The following OXR1 variants were observed in gnomAD, a reference collection of about 807,000 sequenced individuals.
The protein encoded by OXR1 is oxidation resistance 1.
OXR1 carries 41 observed loss-of-function variants against 104.6 expected under a neutral mutation model. The observed-to-expected ratio is 0.39, with a 90% CI of 0.31 to 0.51. The LOEUF (loss-of-function observed/expected upper bound fraction) is 0.51. OXR1 is among the 20% of genes least tolerant of loss of function. The probability of loss-of-function intolerance (pLI) is 0.77; values close to 1 mark genes in which losing one functional copy is unlikely to be tolerated. For synonymous variants in OXR1, 348 were observed against 348.4 expected, an observed-to-expected ratio of 1.00 and a Z score of 0.01; for missense variants, 955 against 1,031.9, an observed-to-expected ratio of 0.93 and a Z score of 1.02.
chr8:106,346,495 G>A (rs1400769624), intron 1 of OXR1, among the ~76,000 whole-genome samples: 1 of 152,108 alleles, frequency 6.6e-6, no homozygotes, highest in Non-Finnish European at 1.5e-5. Context: ...AAAGAATTGT[G>A]GCTGAGGTTT....
chr8:106,625,922 AT>A lies in OXR1; in HGVS notation c.221-53281del, dbSNP rs757199891. Among the ~76,000 whole-genome samples, 553 of 151,810 alleles carry A rather than the reference AT, an allele frequency of 3.6e-3. 1 individual carries two copies. The highest frequency in any genetic ancestry group is 0.011 in the African/African-American group (470 of 41,480). ...GGAATTTCAGTTATATTTAATACAT[AT>A]TTTTTTCTCTATATGCTTAAAATTG... On this transcript the variant is annotated intron_variant, in intron 3 of 16. Coordinates refer to ENST00000517566, the MANE Select transcript of OXR1 (RefSeq NM_001198533.2).
intron 2 of OXR1, among the ~76,000 whole-genome samples, chr8:106,495,656 A>C (rs2129901844): frequency 6.6e-6 from 1 of 152,312 alleles, no homozygotes; most frequent in East Asian, 1.9e-4. Context: ...AGCTAGTGGA[A>C]AGAGAAATTT....
At chr8:106,434,213 T>C (rs11998575) in intron 2 of OXR1, among the ~76,000 whole-genome samples, 34,420 of 152,152 alleles carry the variant, frequency 0.23, 5,413 homozygotes, top group African/African-American at 0.42. Context: ...TGCATGTTTG[T>C]GTGAGCATGT....
rs28921380 is a variant in OXR1 at position 106,659,950 on chromosome 8, A to G, written c.221-19260A>G. ...ATTCATTGCATATTCTTTAATAGTC[A>G]TGGTGCCCCCAAATCTCTGACACAT... On this transcript the variant is annotated intron_variant, in intron 3 of 16. Coordinates refer to ENST00000517566, the MANE Select transcript of OXR1 (RefSeq NM_001198533.2). Among the ~76,000 whole-genome samples, 7 of 152,234 alleles carry G rather than the reference A, an allele frequency of 4.6e-5. No individual in the cohort carries two copies. The South Asian group carries it at 1.4e-3, about 31-fold the overall frequency.
In OXR1 at chr8:106,678,992, A is replaced by G. The variant is rs28921394; in HGVS notation, c.221-218A>G. Among the ~76,000 whole-genome samples, 102 of 152,098 alleles carry G rather than the reference A, an allele frequency of 6.7e-4. No individual in the cohort carries two copies. In the East Asian group the frequency reaches 0.019, roughly 28 times the overall value. ...TTATGTTTTGCGTTGACTTGCAATT[A>G]TTCTATTGGTTCATACTAGTTAAGT... On this transcript the variant is annotated intron_variant, in intron 3 of 16. Coordinates refer to ENST00000517566, the MANE Select transcript of OXR1 (RefSeq NM_001198533.2).
At chr8:106,608,981 C>A (rs562097734) in intron 3 of OXR1, among the ~76,000 whole-genome samples, 5 of 152,256 alleles carry the variant, frequency 3.3e-5, no homozygotes, top group African/African-American at 1.2e-4. Context: ...AATCATAAAG[C>A]CCATTTTGTA....
intron 1 of OXR1, among the ~76,000 whole-genome samples, chr8:106,336,224 G>T (rs558234453): frequency 1.3e-5 from 2 of 152,310 alleles, no homozygotes; most frequent in Non-Finnish European, 2.9e-5. Context: ...GTTTCTCCAG[G>T]TAAGGCAAAG....
intron 3 of OXR1, among the ~76,000 whole-genome samples, chr8:106,606,467 ATT>A (rs34425594): frequency 1.8e-4 from 25 of 136,906 alleles, no homozygotes; most frequent in Non-Finnish European, 7.8e-5. Flanking sequence ...TGCCTGGCTA[ATT>A]TTTTTTTTTT....
chr8:106,447,068 T>TA (rs1366944668), intron 2 of OXR1, among the ~76,000 whole-genome samples: 11 of 152,348 alleles, frequency 7.2e-5, no homozygotes, highest in Admixed American at 5.9e-4. Context: ...CTGGTAGTTC[T>TA]ATTTGTTATA....
At chr8:106,403,529 T>G (rs1818087435) in intron 2 of OXR1, among the ~76,000 whole-genome samples, 1 of 152,244 alleles carries the variant, frequency 6.6e-6, no homozygotes, top group Non-Finnish European at 1.5e-5. Context: ...TTTCTCATGC[T>G]TGTGGTAAAA....
intron 2 of OXR1, among the ~76,000 whole-genome samples, chr8:106,370,821 C>T (rs952090948): frequency 2.0e-5 from 3 of 152,052 alleles, no homozygotes; most frequent in African/African-American, 7.2e-5. Flanking sequence ...GAGAATTTTC[C>T]CATCCATGTT....
chr8:106,509,031 T>A (rs1322863889), intron 2 of OXR1, among the ~76,000 whole-genome samples: 1 of 152,214 alleles, frequency 6.6e-6, no homozygotes, highest in East Asian at 1.9e-4. Context: ...CAATATTGGA[T>A]AAAAGCCTAA....
rs374747254 is a variant in OXR1 at position 106,653,081 on chromosome 8, A to ATATATAT, written c.221-26129_221-26128insTATATAT. On this transcript the variant is annotated intron_variant, in intron 3 of 16. Transcript: ENST00000517566. ...ACACAAGGAGAAATAGAAAAAAAAA[A>ATATATAT]AAATATATATATATATATGGTAAAT... Among the ~76,000 whole-genome samples the ATATATAT allele has an allele frequency of 5.0e-3, 613 of 121,664 alleles. 1 individual carries two copies. The highest frequency in any genetic ancestry group is 0.031 in the East Asian group (133 of 4,278). 79.8% of individuals were successfully genotyped at this position (121,664 alleles called of 152,430 possible).
At chr8:106,337,147 T>A (rs1462841904) in intron 1 of OXR1, among the ~76,000 whole-genome samples, 2 of 152,214 alleles carry the variant, frequency 1.3e-5, no homozygotes, top group African/African-American at 4.8e-5. Flanking sequence ...AGATGAGATT[T>A]TAATTGTGCT....
At chr8:106,441,578 C>T (rs1171463170) in intron 2 of OXR1, among the ~76,000 whole-genome samples, 1 of 152,014 alleles carries the variant, frequency 6.6e-6, no homozygotes, top group African/African-American at 2.4e-5. Flanking sequence ...TGTTTGTGTC[C>T]TCTCTTACTT....
intron 3 of OXR1, among the ~76,000 whole-genome samples, chr8:106,663,553 A>T (rs186315604): frequency 1.3e-5 from 2 of 152,204 alleles, no homozygotes; most frequent in Admixed American, 1.3e-4. Flanking sequence ...ATGATGGTTT[A>T]TCTTGAACCC....
intron 2 of OXR1, among the ~76,000 whole-genome samples, chr8:106,511,315 C>G (rs763908035): frequency 6.6e-6 from 1 of 152,172 alleles, no homozygotes; most frequent in Non-Finnish European, 1.5e-5. Context: ...TTGCAGCAGC[C>G]ACAGTATCCA....
intron 2 of OXR1, among the ~76,000 whole-genome samples, chr8:106,434,250 G>A (rs1469658066): frequency 6.6e-6 from 1 of 152,166 alleles, no homozygotes; most frequent in Non-Finnish European, 1.5e-5. Context: ...TTGAATTACT[G>A]TGGCCCCAGT....
intron 2 of OXR1, among the ~76,000 whole-genome samples, chr8:106,511,533 ACATACACACACACTCTCTCT>A (rs1237489704): frequency 1.6e-5 from 2 of 121,420 alleles, no homozygotes; most frequent in East Asian, 4.9e-4. Flanking sequence ...CCTCACACAC[ACATACACACACACTCTCTCT>A]CATACACACA....
Sources: allele counts gnomAD v4.1 joint callset (sites outside exome capture counted in the v4.1 genomes callset), GRCh38; gene constraint gnomAD v4.1.1; transcripts MANE v1.5; gene names NCBI Gene and HGNC (gene_info 2026-07-23, HGNC 2026-07-21).